The following ACSM3 variants were observed in gnomAD, a reference collection of about 807,000 sequenced individuals.
ACSM3 encodes the protein acyl-coenzyme A synthetase ACSM3, mitochondrial.
A neutral mutation model predicts 74.1 loss-of-function variants in ACSM3; 61 were observed. That is an observed-to-expected ratio of 0.82 (90% CI 0.67 to 1.02). The LOEUF (loss-of-function observed/expected upper bound fraction) is 1.02, where lower values mean the gene tolerates loss of function less well. ACSM3 is among the 50% of genes least tolerant of loss of function. ACSM3 has a pLI of 0.00. For synonymous variants in ACSM3, 213 were observed against 241.5 expected, an observed-to-expected ratio of 0.88 and a Z score of 1.09; for missense variants, 660 against 697.0, an observed-to-expected ratio of 0.95 and a Z score of 0.60.
intron 1 of ACSM3, chr16:20,727,460 G>A (rs1032002891): frequency 4.0e-5 from 19 of 469,984 alleles, no homozygotes; most frequent in South Asian, 1.4e-4. Context: ...ATGGACAGAC[G>A]GAAGTGGTAT....
At chr16:20,704,651 A>G (rs2079721945) in intron 1 of ACSM3, among the ~76,000 whole-genome samples, 1 of 152,220 alleles carries the variant, frequency 6.6e-6, no homozygotes, top group Non-Finnish European at 1.5e-5. Flanking sequence ...TGTCTTATTA[A>G]AGACAAAAAA....
intron 1 of ACSM3, among the ~76,000 whole-genome samples, chr16:20,694,242 C>T (rs1362830003): frequency 3.3e-5 from 5 of 152,192 alleles, no homozygotes; most frequent in Admixed American, 2.0e-4. Flanking sequence ...CAGTGGAAAC[C>T]GGACACAGCA....
intron 2 of ACSM3, 119 bp downstream of exon 2, chr16:20,770,372 T>C (rs1437332723): frequency 4.9e-6 from 4 of 814,672 alleles, no homozygotes; most frequent in South Asian, 1.8e-5. Context: ...AGGCAGTTGC[T>C]ACTGGCATCT....
chr16:20,741,326 G>C (rs1056248910), intron 1 of ACSM3, among the ~76,000 whole-genome samples: 2 of 152,224 alleles, frequency 1.3e-5, no homozygotes, highest in Non-Finnish European at 2.9e-5. Context: ...GCACAAAACC[G>C]ATAGCACCGA....
At chr16:20,780,197 T>C (rs2080323258) in intron 4 of ACSM3, 1 of 179,664 alleles carries the variant, frequency 5.6e-6, no homozygotes, top group African/African-American at 2.4e-5. Context: ...CCTCAATGAA[T>C]GGGCAATAAC....
chr16:20,796,562 A>G, intron 13 of ACSM3, 73 bp downstream of exon 13: 1 of 1,589,580 alleles, frequency 6.3e-7, no homozygotes, highest in Non-Finnish European at 8.5e-7. Context: ...TTACATTTTA[A>G]TGAATATTTT....
At chr16:20,775,742 C>T (rs1043440109) in intron 2 of ACSM3, 97 bp from the exon 3 acceptor site, 41 of 1,234,344 alleles carry the variant, frequency 3.3e-5, no homozygotes, top group Middle Eastern at 4.1e-4. Flanking sequence ...TAATGACTTG[C>T]GAACTTTCTT....
At chr16:20,698,004 C>G (rs945955794) in intron 1 of ACSM3, among the ~76,000 whole-genome samples, 16 of 152,004 alleles carry the variant, frequency 1.1e-4, no homozygotes, top group Non-Finnish European at 2.1e-4. Flanking sequence ...ACCATCCTGG[C>G]TAACACGGTG....
chr16:20,781,844 A>G, intron 7 of ACSM3, 57 bp downstream of exon 7: 1 of 1,334,146 alleles, frequency 7.5e-7, no homozygotes. Flanking sequence ...AGGAAGCTAT[A>G]AAATAAAAGA....
chr16:20,758,394 T>G (rs2080048744), intron 3 of ACSM3, among the ~76,000 whole-genome samples: 1 of 152,258 alleles, frequency 6.6e-6, no homozygotes, highest in South Asian at 2.1e-4. Flanking sequence ...TTTCTCCATT[T>G]CTTCTAGATT....
chr16:20,685,711 T>G (rs910121087), intron 1 of ACSM3, among the ~76,000 whole-genome samples: 1 of 151,340 alleles, frequency 6.6e-6, no homozygotes, highest in Non-Finnish European at 1.5e-5. Flanking sequence ...TCTCAGCTAT[T>G]CAGGAGGCTG....
chr16:20,736,880 CTA>C, intron 1 of ACSM3: 2 of 1,613,376 alleles, frequency 1.2e-6, no homozygotes, highest in South Asian at 2.2e-5. Flanking sequence ...AAATGACTTC[CTA>C]TGAGAAGTCA....
intron 1 of ACSM3, among the ~76,000 whole-genome samples, chr16:20,712,070 T>C (rs2079745668): frequency 6.6e-6 from 1 of 152,112 alleles, no homozygotes; most frequent in Non-Finnish European, 1.5e-5. Flanking sequence ...TTGGCTCAAA[T>C]ATTTTATCCT....
chr16:20,737,584 A>G (rs987413511), intron 1 of ACSM3: 27 of 998,558 alleles, frequency 2.7e-5, no homozygotes, highest in Non-Finnish European at 3.5e-5. Context: ...CTATTTTAAG[A>G]ACATTTTAAT....
chr16:20,750,092 CA>C (rs1394054847), intron 2 of ACSM3: 2 of 152,068 alleles, frequency 1.3e-5, no homozygotes, highest in African/African-American at 2.4e-5. Flanking sequence ...GGAATCATTC[CA>C]AAAGGTCATT....
At chr16:20,698,087 G>C (rs373636129) in intron 1 of ACSM3, among the ~76,000 whole-genome samples, 2 of 151,524 alleles carry the variant, frequency 1.3e-5, no homozygotes, top group South Asian at 4.3e-4. Context: ...CCAGCTACTC[G>C]GGAGGCTGAG....
At chr16:20,761,173 A>C (rs200486869), upstream of ACSM3, among the ~76,000 whole-genome samples, 2 of 151,670 alleles carry the variant, frequency 1.3e-5, no homozygotes, top group East Asian at 3.9e-4. Context: ...CAGTGGCATG[A>C]TCTCAGCTCA....
At chr16:20,742,792 A>AAT (rs1216173827) in intron 1 of ACSM3, among the ~76,000 whole-genome samples, 173 of 136,410 alleles carry the variant, frequency 1.3e-3, no homozygotes, top group South Asian at 2.7e-3. Flanking sequence ...GGTGCGTGTA[A>AAT]ATATATATAT....
In ACSM3 at chr16:20,752,191, C is replaced by CA. The variant is rs879471716; in HGVS notation, c.-96+2199dup. ...GGCGACAGAGCGAGACTCTGTCTCA[C>CA]AAAAAAAAAAAGTGGTCATTCTCTT... On this transcript the variant is annotated intron_variant, in intron 2 of 3. Transcript: ENST00000561584. Among the ~76,000 whole-genome samples the CA allele has an allele frequency of 2.2e-3, 318 of 141,570 alleles. 1 individual carries two copies. Among genetic ancestry groups the CA allele is most frequent in the African/African-American group, 6.4e-3 (248 of 38,722 alleles). The allele number at this position is 141,570 out of a possible 152,430, so 92.9% of individuals were successfully genotyped here. A position where few individuals can be genotyped will look rare whatever the true frequency, so the allele number is the denominator to read the frequency against.
Sources: allele counts gnomAD v4.1 joint callset (sites outside exome capture counted in the v4.1 genomes callset), GRCh38; gene constraint gnomAD v4.1.1; transcripts MANE v1.5; gene names NCBI Gene and HGNC (gene_info 2026-07-23, HGNC 2026-07-21).